Variants in CDH4 observed in about 807,000 individuals in gnomAD.
CDH4 encodes the protein cadherin 4.
Under a neutral mutation model 86.0 loss-of-function variants are expected in CDH4, and 33 were observed. That is an observed-to-expected ratio of 0.38 (90% CI 0.29 to 0.51). The LOEUF is 0.51. CDH4 is among the 20% of genes least tolerant of loss of function. The pLI, the probability that CDH4 is intolerant of heterozygous loss-of-function variation, is 0.86. For missense variants in CDH4, 1,114 were observed against 1,307.4 expected, an observed-to-expected ratio of 0.85 and a Z score of 2.28; for synonymous variants, 555 against 549.4, an observed-to-expected ratio of 1.01 and a Z score of -0.14.
At chr20:61,612,416 C>T (rs2086692103) in intron 2 of CDH4, among the ~76,000 whole-genome samples, 1 of 152,092 alleles carries the variant, frequency 6.6e-6, no homozygotes, top group Non-Finnish European at 1.5e-5. Flanking sequence ...TTTGGGTGGA[C>T]TTGCCTTTTT....
chr20:61,332,526 T>G (rs1416803316), intron 2 of CDH4, among the ~76,000 whole-genome samples: 1 of 152,208 alleles, frequency 6.6e-6, no homozygotes, highest in Non-Finnish European at 1.5e-5. Context: ...TGCATCCCCT[T>G]GGCTGCCACT....
At chr20:61,659,140 A>G (rs1205496993) in intron 2 of CDH4, among the ~76,000 whole-genome samples, 2 of 152,162 alleles carry the variant, frequency 1.3e-5, no homozygotes, top group Admixed American at 1.3e-4. Context: ...TAACAGCAAC[A>G]CCCAAGAGAC....
chr20:61,419,728 A>G (rs1432150214), intron 2 of CDH4, among the ~76,000 whole-genome samples: 1 of 147,654 alleles, frequency 6.8e-6, no homozygotes, highest in Non-Finnish European at 1.5e-5. Flanking sequence ...TATACACCCC[A>G]TTCCCTGTGT....
In CDH4 at chr20:61,711,117, G is replaced by A. The variant is rs142885397; in HGVS notation, c.170-32446G>A. Among the ~76,000 whole-genome samples, 93 of 152,302 alleles carry A rather than the reference G, an allele frequency of 6.1e-4. 1 individual carries two copies. The highest frequency in any genetic ancestry group is 2.0e-3 in the African/African-American group (84 of 41,562). ...GGGCAGTTCCCCCACTACTATTCCAGCGATAGTGAATGAGTTCTCAACCAT... is the reference window on the plus strand; with the variant it reads ...GGGCAGTTCCCCCACTACTATTCCAACGATAGTGAATGAGTTCTCAACCAT... On this transcript the variant is annotated intron_variant, in intron 2 of 15. Transcript: ENST00000614565.
At chr20:61,297,769 C>G (rs996175696) in intron 2 of CDH4, among the ~76,000 whole-genome samples, 1 of 152,270 alleles carries the variant, frequency 6.6e-6, no homozygotes, top group Non-Finnish European at 1.5e-5. Context: ...GTGTCAGCCC[C>G]TTTACCGGGG....
chr20:61,523,627 C>T (rs888905730), intron 2 of CDH4, among the ~76,000 whole-genome samples: 8 of 152,206 alleles, frequency 5.3e-5, no homozygotes, highest in Non-Finnish European at 1.0e-4. Flanking sequence ...AAAACAGGCC[C>T]GGGGCTTTCT....
At chr20:61,794,894 C>CAA (rs1449815540) in intron 4 of CDH4, among the ~76,000 whole-genome samples, 4 of 152,176 alleles carry the variant, frequency 2.6e-5, no homozygotes, top group Admixed American at 2.6e-4. Flanking sequence ...GGAAGAACGT[C>CAA]AAACTGGCCT....
intron 2 of CDH4, among the ~76,000 whole-genome samples, chr20:61,386,228 G>T (rs575017545): frequency 3.0e-4 from 46 of 152,312 alleles, no homozygotes; most frequent in African/African-American, 8.7e-4. Flanking sequence ...CTGAGCCACA[G>T]TCGTGCTGTG....
At chr20:61,372,067 C>T (rs1183860892) in intron 2 of CDH4, among the ~76,000 whole-genome samples, 6 of 152,210 alleles carry the variant, frequency 3.9e-5, no homozygotes, top group Non-Finnish European at 8.8e-5. Context: ...CATACTTTTG[C>T]TCCACATTTG....
chr20:61,440,583 A>C (rs2085308788), intron 2 of CDH4, among the ~76,000 whole-genome samples: 1 of 152,196 alleles, frequency 6.6e-6, no homozygotes, highest in South Asian at 2.1e-4. Flanking sequence ...CTCGGTTTGC[A>C]CTCTTGACTA....
chr20:61,270,454 T>C (rs1431555195), intron 2 of CDH4, among the ~76,000 whole-genome samples: 2 of 152,238 alleles, frequency 1.3e-5, no homozygotes, highest in Middle Eastern at 3.2e-3. Flanking sequence ...CCGAAGGCTA[T>C]AAAATTGTGA....
intron 2 of CDH4, among the ~76,000 whole-genome samples, chr20:61,504,912 G>A (rs192382787): frequency 6.6e-6 from 1 of 152,316 alleles, no homozygotes; most frequent in East Asian, 1.9e-4. Flanking sequence ...TTTAGAAGAA[G>A]TGTCTGGTTT....
chr20:61,459,992 A>G (rs2085432696), intron 2 of CDH4, among the ~76,000 whole-genome samples: 1 of 152,108 alleles, frequency 6.6e-6, no homozygotes, highest in South Asian at 2.1e-4. Context: ...TCCAGGAACC[A>G]ATGGCAGAGT....
At chr20:61,533,500 G>T (rs1198563837) in intron 2 of CDH4, among the ~76,000 whole-genome samples, 1 of 152,376 alleles carries the variant, frequency 6.6e-6, no homozygotes, top group Non-Finnish European at 1.5e-5. Flanking sequence ...TGAGAGGGCA[G>T]GGCATGCCTG....
chr20:61,775,121 T>C lies in CDH4; in HGVS notation c.576+1939T>C, dbSNP rs112073217. ...CCACACTGTTTATCCCCAAAGGAGATTGTATACCAAACCACAGTTTGATCA... is the reference window on the plus strand; with the variant it reads ...CCACACTGTTTATCCCCAAAGGAGACTGTATACCAAACCACAGTTTGATCA... On this transcript the variant is annotated intron_variant, in intron 4 of 15. Coordinates refer to ENST00000614565, the MANE Select transcript of CDH4 (RefSeq NM_001794.5). Among the ~76,000 whole-genome samples, 702 of 152,282 alleles carry C rather than the reference T, an allele frequency of 4.6e-3. 6 individuals carry two copies. The highest frequency in any genetic ancestry group is 0.016 in the African/African-American group (653 of 41,546).
chr20:61,436,257 A>T (rs6142704), intron 2 of CDH4, among the ~76,000 whole-genome samples: 6,251 of 151,996 alleles, frequency 0.041, 214 homozygotes, highest in East Asian at 0.096. Flanking sequence ...TTCCATTTCA[A>T]CCCCACTGGC....
At chr20:61,546,447 T>C (rs1413242796) in intron 2 of CDH4, among the ~76,000 whole-genome samples, 2 of 151,704 alleles carry the variant, frequency 1.3e-5, no homozygotes, top group Non-Finnish European at 2.9e-5. Context: ...GTTAGTGACA[T>C]TCTAGGGACT....
chr20:61,818,374 A>T (rs1980844122), intron 4 of CDH4, among the ~76,000 whole-genome samples: 1 of 152,138 alleles, frequency 6.6e-6, no homozygotes, highest in Non-Finnish European at 1.5e-5. Flanking sequence ...TCTAGGTCAG[A>T]ATTCCAAAAA....
intron 2 of CDH4, chr20:61,437,156 A>C (rs1306103762): frequency 6.6e-6 from 1 of 152,364 alleles, no homozygotes; most frequent in East Asian, 1.9e-4. Context: ...AGCAGCAGGA[A>C]GGGCTCAGAG....
Sources: gnomAD v4.1 joint callset for allele counts (sites outside exome capture counted in the v4.1 genomes callset) on GRCh38, gnomAD v4.1.1 for gene constraint, MANE v1.5 for transcripts, NCBI Gene and HGNC (gene_info 2026-07-23, HGNC 2026-07-21) for gene names.